Variants in RAB5A observed in about 807,000 individuals in gnomAD.
RAB5A encodes the protein RAB5A, member RAS oncogene family.
RAB5A carries 8 observed loss-of-function variants against 25.7 expected under a neutral mutation model. That is an observed-to-expected ratio of 0.31 (90% confidence interval 0.18 to 0.56). The LOEUF is 0.56. Ranked by LOEUF, RAB5A falls within the 20% of genes least tolerant of loss-of-function variation. RAB5A has a pLI of 0.91. For missense variants in RAB5A, 192 were observed against 259.7 expected (o/e 0.74, Z 1.79); for synonymous variants, 98 against 89.8 (o/e 1.09, Z -0.52).
chr3:19,965,890 A>G lies in RAB5A; in HGVS notation c.164-9711A>G, dbSNP rs1696654648. 2.0e-5 allele frequency among the ~76,000 whole-genome samples: 3 copies of G among 151,684 alleles called. No individual in the cohort carries two copies. The South Asian group carries it at 6.3e-4, about 32-fold the overall frequency. ...TGGGACTACAGGTGCACGCCACCAC[A>G]CCTGTTTTGTATTTTTGTTAGTAGA... On this transcript the variant is annotated intron_variant, in intron 2 of 5. Transcript: ENST00000273047.
intron 2 of RAB5A, among the ~76,000 whole-genome samples, chr3:19,960,503 G>A (rs1696569841): frequency 6.6e-6 from 1 of 152,136 alleles, no homozygotes; most frequent in Non-Finnish European, 1.5e-5. Flanking sequence ...TATTCTCCAT[G>A]TTTCCCAGGC....
intron 5 of RAB5A, among the ~76,000 whole-genome samples, chr3:19,980,815 G>A (rs1696911340): frequency 6.6e-6 from 1 of 152,140 alleles, no homozygotes; most frequent in Admixed American, 6.6e-5. Flanking sequence ...CAGAGAAGTG[G>A]CCCAATTGAA....
chr3:19,968,167 T>C (rs1696687005), intron 2 of RAB5A, among the ~76,000 whole-genome samples: 1 of 152,212 alleles, frequency 6.6e-6, no homozygotes, highest in African/African-American at 2.4e-5. Context: ...TTCTCCCCTC[T>C]CTAGTCACTG....
intron 3 of RAB5A, 132 bp from the exon 4 acceptor site, chr3:19,975,915 C>G: frequency 2.9e-6 from 4 of 1,360,078 alleles, no homozygotes; most frequent in Non-Finnish European, 2.0e-6. Flanking sequence ...ACGAAAATGT[C>G]TCATAATACA....
Position 19,947,224 on chromosome 3 carries a change from C to T in RAB5A, c.-391C>T. 2 of 170,784 alleles carry T rather than the reference C, an allele frequency of 1.2e-5. No individual in the cohort carries two copies. The highest frequency in any genetic ancestry group is 1.2e-5 in the Non-Finnish European group (1 of 82,210). The allele number at this position is 170,784 out of a possible 1,614,324, so 10.6% of individuals were successfully genotyped here. On this transcript the variant is annotated 5_prime_UTR_variant, in exon 1 of 6. Transcript: ENST00000273047. The stretch of plus-strand genomic sequence containing the variant: ...CGGCGGCTGGCCTTAGGGGAGGAGG[C>T]AGAGGGAGGAGGAGGAGGAAGAATT...
chr3:19,948,757 A>G (rs1161225339), intron 1 of RAB5A, among the ~76,000 whole-genome samples: 1 of 151,832 alleles, frequency 6.6e-6, no homozygotes, highest in Non-Finnish European at 1.5e-5. Flanking sequence ...TTTTTTTTTA[A>G]TGGGAGTCTG....
chr3:19,983,520 C>A (rs1696973534), intron 5 of RAB5A, among the ~76,000 whole-genome samples, 188 bp from the exon 6 acceptor site: 1 of 152,022 alleles, frequency 6.6e-6, no homozygotes, highest in Non-Finnish European at 1.5e-5. Context: ...CCCCAGAAAT[C>A]AAACTCCCTA....
chr3:19,973,567 A>G (rs1696781806), intron 2 of RAB5A, among the ~76,000 whole-genome samples: 1 of 152,290 alleles, frequency 6.6e-6, no homozygotes, highest in African/African-American at 2.4e-5. Flanking sequence ...AAAAAGTGAC[A>G]TAGTGCTGTC....
chr3:19,955,376 T>TC (rs1307627403), intron 2 of RAB5A, among the ~76,000 whole-genome samples: 2 of 152,186 alleles, frequency 1.3e-5, no homozygotes, highest in Non-Finnish European at 2.9e-5. Flanking sequence ...CGTTCCCACT[T>TC]CCAGAAGTAG....
intron 2 of RAB5A, among the ~76,000 whole-genome samples, chr3:19,975,042 A>T (rs1260748039): frequency 6.6e-6 from 1 of 152,194 alleles, no homozygotes; most frequent in Non-Finnish European, 1.5e-5. Flanking sequence ...CCTGGCCAAC[A>T]TGGTGAAACC....
chr3:19,977,609 T>C (rs1426955068), intron 4 of RAB5A, among the ~76,000 whole-genome samples: 1 of 152,192 alleles, frequency 6.6e-6, no homozygotes, highest in Non-Finnish European at 1.5e-5. Context: ...CTTTCCAAAA[T>C]TGTTGCCTTC....
intron 4 of RAB5A, 68 bp downstream of exon 4, chr3:19,976,237 T>TTTAA: frequency 6.6e-7 from 1 of 1,504,512 alleles, no homozygotes; most frequent in Non-Finnish European, 9.0e-7. Context: ...ATGTCAACAC[T>TTTAA]TGAATTAGTT....
At chr3:19,976,780 T>C (rs1359048549) in intron 4 of RAB5A, among the ~76,000 whole-genome samples, 2 of 152,204 alleles carry the variant, frequency 1.3e-5, no homozygotes, top group Non-Finnish European at 2.9e-5. Context: ...ACATACTTTA[T>C]GTCCTAACCC....
intron 2 of RAB5A, among the ~76,000 whole-genome samples, chr3:19,956,794 CTG>C (rs1696508987): frequency 6.6e-6 from 1 of 152,278 alleles, no homozygotes; most frequent in East Asian, 1.9e-4. Flanking sequence ...ACCATCACCA[CTG>C]TTAACTTTTG....
At chr3:19,966,553 G>A (rs188998677) in intron 2 of RAB5A, among the ~76,000 whole-genome samples, 3 of 152,274 alleles carry the variant, frequency 2.0e-5, no homozygotes, top group East Asian at 3.9e-4. Flanking sequence ...ATGTATGCCC[G>A]TAAGAGGAAT....
intron 2 of RAB5A, among the ~76,000 whole-genome samples, chr3:19,967,808 A>G (rs1298440300): frequency 6.6e-6 from 1 of 152,088 alleles, no homozygotes; most frequent in Non-Finnish European, 1.5e-5. Flanking sequence ...ATTAATTGCA[A>G]TGTAACTCTT....
intron 2 of RAB5A, among the ~76,000 whole-genome samples, chr3:19,972,086 G>A (rs1391503770): frequency 6.6e-6 from 1 of 151,892 alleles, no homozygotes; most frequent in Non-Finnish European, 1.5e-5. Context: ...GCATCAATAT[G>A]ATGTCACAAG....
At chr3:19,982,488 A>G (rs145186968) in intron 5 of RAB5A, among the ~76,000 whole-genome samples, 77 of 152,072 alleles carry the variant, frequency 5.1e-4, no homozygotes, top group African/African-American at 1.9e-3. Flanking sequence ...CAAAAATGCA[A>G]CTCTTATCTA....
Position 19,975,707 on chromosome 3 carries a change from C to T in RAB5A, c.270C>T (p.Tyr90=). ...ERYHSLAPMY[Y]RGAQAAIVVY... The stretch of plus-strand genomic sequence containing the variant: ...ACCATAGCCTAGCACCAATGTACTA[C>T]AGAGGAGCACAAGCAGCCATAGTTG... The change falls in exon 3 of 6, where the codon TAC becomes TAT. Residue 90 remains tyrosine, a synonymous_variant. Coordinates refer to ENST00000273047, the MANE Select transcript of RAB5A (RefSeq NM_004162.5). 1.2e-6 allele frequency: 2 copies of T among 1,613,656 alleles called. No individual in the cohort carries two copies. Among genetic ancestry groups the T allele is most frequent in the Non-Finnish European group, 1.7e-6 (2 of 1,179,762 alleles).
Sources: gnomAD v4.1 joint callset for allele counts (sites outside exome capture counted in the v4.1 genomes callset) on GRCh38, gnomAD v4.1.1 for gene constraint, MANE v1.5 for transcripts, NCBI Gene and HGNC (gene_info 2026-07-23, HGNC 2026-07-21) for gene names.